The following PIEZO1 variants were observed in gnomAD, a reference collection of about 807,000 sequenced individuals.
PIEZO1 encodes the protein piezo-type mechanosensitive ion channel component 1.
In PIEZO1, 296 loss-of-function variants were observed where a neutral mutation model predicts 297.2. That is an observed-to-expected ratio of 1.00 (90% CI 0.91 to 1.10). The LOEUF (loss-of-function observed/expected upper bound fraction) is 1.10, where lower values mean the gene tolerates loss of function less well. Among genes scored for constraint, PIEZO1 ranks in the 50% least tolerant of loss-of-function variants. PIEZO1 has a pLI of 0.00. For synonymous variants in PIEZO1, 2,427 were observed against 1,507.5 expected (o/e 1.61, Z -14.13); for missense variants, 5,018 against 3,455.5 (o/e 1.45, Z -11.34).
chr16:88,723,921 C>A lies in PIEZO1; in HGVS notation c.4285G>T (p.Glu1429Ter). The change falls in exon 31 of 51, where the codon GAG (glutamate) becomes TAG (stop). Residue 1429 changes from glutamate (E) to a stop codon, truncating the protein, a stop_gained. Transcript: ENST00000301015. LOFTEE classifies it high-confidence loss of function. ...FLFESDSEEE[E>*]EAVPEDPRPS... ...CTCGGGTCTTCAGGAACAGCCTCCT[C>A]CTCTTCCTCACTGTCGGACTCAAAC... 1 of 1,549,890 alleles carries A rather than the reference C, an allele frequency of 6.5e-7. No homozygotes were observed. The highest frequency in any genetic ancestry group is 1.2e-5 in the South Asian group (1 of 84,044).
In PIEZO1 at chr16:88,715,815, G is replaced by A. The variant is rs2142745628; in HGVS notation, c.7356C>T (p.Gly2452=). The change falls in exon 51 of 51, where the codon GGC becomes GGT. Residue 2452 remains glycine, a synonymous_variant. Coordinates refer to ENST00000301015, the MANE Select transcript of PIEZO1 (RefSeq NM_001142864.4). The stretch of plus-strand genomic sequence containing the variant: ...CGCTGAAGAATCCGCGCACGAACTT[G>A]CCGATGACCAGCACGATGGACACGT... ...GLYVSIVLVI[G]KFVRGFFSEI... 1 of 1,550,290 alleles carries A rather than the reference G, an allele frequency of 6.5e-7. No homozygotes were observed. Among genetic ancestry groups the A allele is most frequent in the African/African-American group, 1.4e-5 (1 of 73,180 alleles).
At position 88,719,960 on chromosome 16, in the gene PIEZO1, C is replaced by A; in HGVS notation, c.6165G>T (p.Arg2055Ser). The change falls in exon 43 of 51, where the codon AGG (arginine) becomes AGT (serine). Residue 2055 changes from arginine to serine, a missense_variant and splice_region_variant. Transcript: ENST00000301015. ...GGGCCACCACATTCTGGTTGAACAT[C>A]CTGGGGCGGGATGGCCAGGTCAAGG... is the stretch of plus-strand genomic sequence containing the variant. Reference protein sequence around the residue: ...MFFILPAVTERMFNQNVVAQL... With the variant: ...MFFILPAVTESMFNQNVVAQL... 1 of 1,550,244 alleles carries A rather than the reference C, an allele frequency of 6.5e-7. No individual in the cohort carries two copies. Among genetic ancestry groups the A allele is most frequent in the South Asian group, 1.2e-5 (1 of 84,068 alleles).
Position 88,721,590 on chromosome 16 carries a change from T to A in PIEZO1, c.5351A>T (p.Lys1784Met), listed in dbSNP as rs917439007. 1 of 1,550,140 alleles carries A rather than the reference T, an allele frequency of 6.5e-7. No homozygotes were observed. The highest frequency in any genetic ancestry group is 1.4e-5 in the African/African-American group (1 of 73,036). ...LGLEKTDGYI[K>M]YDLVQLMALF... ...GGCCATGAGCTGCACCAGGTCGTAC[T>A]TGATGTAGCCGTCAGTCTTCTCCAG... is the stretch of plus-strand genomic sequence containing the variant. Residue 1784 changes from lysine (K) to methionine (M), a missense_variant, in exon 38 of 51, where the codon AAG (lysine) becomes ATG (methionine). Coordinates refer to ENST00000301015, the MANE Select transcript of PIEZO1 (RefSeq NM_001142864.4).
chr16:88,733,740 C>G lies in PIEZO1; in HGVS notation c.2335G>C (p.Ala779Pro). Reference protein sequence around the residue: ...HQATQVPEGAAKWGLVAERLL... With the variant: ...HQATQVPEGAPKWGLVAERLL... ...CGCTCAGCCACCAGGCCCCACTTGG[C>G]TGCCCCTGTGATGGTGTGAGGGTCA... The change falls in exon 18 of 51, where the codon GCC (alanine) becomes CCC (proline). Residue 779 changes from alanine (A) to proline (P), a missense_variant. Ala to Pro is a conservative substitution (Grantham distance 27, BLOSUM62 -1). Coordinates refer to ENST00000301015, the MANE Select transcript of PIEZO1 (RefSeq NM_001142864.4). The G allele has an allele frequency of 6.5e-7, 1 of 1,543,112 alleles. No individual in the cohort carries two copies. Among genetic ancestry groups the G allele is most frequent in the Non-Finnish European group, 8.7e-7 (1 of 1,143,084 alleles).
rs910609299 is a variant in PIEZO1 at position 88,716,750 on chromosome 16, C to T, written c.6754-19G>A. The T allele has an allele frequency of 1.3e-6, 2 of 1,548,540 alleles. No individual in the cohort carries two copies. Among genetic ancestry groups the T allele is most frequent in the South Asian group, 2.4e-5 (2 of 84,052 alleles). The stretch of plus-strand genomic sequence containing the variant: ...TGGCCAGCTGGGTACAAGTGACACC[C>T]TCAGTGACTGCAGCCGCCTCCCCAC... On this transcript the variant is annotated intron_variant, in intron 46 of 50. Transcript: ENST00000301015.
rs752838270 is a variant in PIEZO1 at position 88,722,669 on chromosome 16, G to C, written c.4689C>G (p.Gly1563=). The part of the protein sequence containing the change: ...ELLQGGEVHR[G]VLDQLYTSQA... ...GGCTTGTGTACAGCTGATCCAGCAC[G>C]CCCCTGTGCACTTCGCCGCCCTGCA... Residue 1563 remains glycine (G), a synonymous_variant, in exon 35 of 51, where the codon GGC becomes GGG. Transcript: ENST00000301015. 3.3e-5 allele frequency: 50 copies of C among 1,537,764 alleles called. No homozygotes were observed. The highest frequency in any genetic ancestry group is 4.2e-5 in the Non-Finnish European group (48 of 1,146,386).
At chr16:88,755,076 G>C (rs116169507) in intron 1 of PIEZO1, among the ~76,000 whole-genome samples, 27 of 152,298 alleles carry the variant, frequency 1.8e-4, no homozygotes, top group African/African-American at 6.3e-4. Flanking sequence ...CGTCACCGCC[G>C]CCCCCAGTGC....
At chr16:88,769,025 C>T (rs1907303356) in intron 1 of PIEZO1, among the ~76,000 whole-genome samples, 1 of 152,252 alleles carries the variant, frequency 6.6e-6, no homozygotes. Context: ...GACACAGCAG[C>T]ACCCGCGCCC....
chr16:88,720,791 G>A, intron 39 of PIEZO1, 43 bp from the exon 40 acceptor site: 2 of 1,452,004 alleles, frequency 1.4e-6, no homozygotes, highest in Non-Finnish European at 1.8e-6. Context: ...CCTGGGGACT[G>A]GGCCTGGCTC....
chr16:88,758,491 G>GT (rs1906778020), intron 1 of PIEZO1, among the ~76,000 whole-genome samples: 1 of 152,192 alleles, frequency 6.6e-6, no homozygotes, highest in Non-Finnish European at 1.5e-5. Flanking sequence ...CAGCTCATGC[G>GT]TAACTGCTTC....
At chr16:88,756,439 C>G (rs1288383313) in intron 1 of PIEZO1, among the ~76,000 whole-genome samples, 11 of 152,210 alleles carry the variant, frequency 7.2e-5, no homozygotes, top group Admixed American at 5.2e-4. Context: ...AGGAACCACA[C>G]CCACCTGAGT....
intron 10 of PIEZO1, 62 bp from the exon 11 acceptor site, chr16:88,736,801 A>G (rs1006764562): frequency 3.7e-5 from 40 of 1,068,184 alleles, no homozygotes; most frequent in Non-Finnish European, 5.2e-5. Context: ...CACCCTGACT[A>G]TGCCCTAAAA....
chr16:88,738,446 G>A lies in PIEZO1; in HGVS notation c.635-6C>T. The A allele has an allele frequency of 6.5e-7, 1 of 1,534,988 alleles. No individual in the cohort carries two copies. Among genetic ancestry groups the A allele is most frequent in the Non-Finnish European group, 8.7e-7 (1 of 1,146,126 alleles). ...GGCCGAGGGGTGGGCGATGCCTGCG[G>A]GGCAGGGGCACACAGGGTGGTACCT... On this transcript the variant is annotated splice_polypyrimidine_tract_variant and splice_region_variant and intron_variant, in intron 6 of 50. Coordinates refer to ENST00000301015, the MANE Select transcript of PIEZO1 (RefSeq NM_001142864.4).
intron 1 of PIEZO1, among the ~76,000 whole-genome samples, chr16:88,753,426 C>T (rs1398048458): frequency 2.0e-5 from 3 of 151,642 alleles, no homozygotes; most frequent in Non-Finnish European, 2.9e-5. Flanking sequence ...AGCCTTGCCA[C>T]AGACACCAAG....
chr16:88,742,168 G>A lies in PIEZO1; in HGVS notation c.284-73C>T, dbSNP rs143956962. Reference sequence around the variant, plus strand: ...ACCGTGGCCTGGTCATCCCTGGAGCGTTTCACCTGGACCATCCAGGCCAGA... The same window carrying A: ...ACCGTGGCCTGGTCATCCCTGGAGCATTTCACCTGGACCATCCAGGCCAGA... On this transcript the variant is annotated intron_variant, in intron 3 of 50. Coordinates refer to ENST00000301015, the MANE Select transcript of PIEZO1 (RefSeq NM_001142864.4). The A allele has an allele frequency of 6.4e-4, 975 of 1,520,456 alleles. 7 individuals carry two copies. In the African/African-American group the frequency reaches 0.012, roughly 18 times the overall value. The allele number at this position is 1,520,456 out of a possible 1,614,324, so 94.2% of individuals were successfully genotyped here.
chr16:88,726,427 G>C lies in PIEZO1; in HGVS notation c.3825C>G (p.Asp1275Glu). The C allele has an allele frequency of 2.6e-6, 4 of 1,550,496 alleles. No homozygotes were observed. The highest frequency in any genetic ancestry group is 3.5e-6 in the Non-Finnish European group (4 of 1,146,922). ...DPKEMMDRDQ[D>E]CLLPVEEAGI... ...CAGCCTCCTCCACAGGCAGCAGGCAGTCCTGGTCTCTGTCCATCATCTCCT... is the reference window on the plus strand; with the variant it reads ...CAGCCTCCTCCACAGGCAGCAGGCACTCCTGGTCTCTGTCCATCATCTCCT... Residue 1275 changes from aspartate to glutamate, a missense_variant, in exon 27 of 51, where the codon GAC becomes GAG. Asp to Glu is a conservative substitution (Grantham distance 45, BLOSUM62 2). Transcript: ENST00000301015.
Position 88,736,462 on chromosome 16 carries a change from C to A in PIEZO1, c.1297-54G>T, listed in dbSNP as rs571274287. Reference sequence around the variant, plus strand: ...CCCAGCGCACCCCACCCAGGCGATGCCCCACACCTGCGCGGCAGAGGGGGC... The same window carrying A: ...CCCAGCGCACCCCACCCAGGCGATGACCCACACCTGCGCGGCAGAGGGGGC... On this transcript the variant is annotated intron_variant, in intron 11 of 50. Transcript: ENST00000301015. 105 of 1,323,800 alleles carry A rather than the reference C, an allele frequency of 7.9e-5. No homozygotes were observed. In the East Asian group the frequency reaches 1.6e-3, roughly 21 times the overall value. The allele number at this position is 1,323,800 out of a possible 1,614,324, so 82.0% of individuals were successfully genotyped here. A position where few individuals can be genotyped will look rare whatever the true frequency, so the allele number is the denominator to read the frequency against.
chr16:88,717,829 C>G (rs1177472258), intron 44 of PIEZO1: 3 of 442,128 alleles, frequency 6.8e-6, no homozygotes, highest in South Asian at 3.3e-5. Context: ...ACAGAAAAAA[C>G]TCTAATAAAA....
At chr16:88,734,103 C>T (rs1905054294) in intron 16 of PIEZO1, 49 bp from the exon 17 acceptor site, 3 of 1,470,260 alleles carry the variant, frequency 2.0e-6, no homozygotes, top group African/African-American at 1.4e-5. Context: ...TCCTGCCCCT[C>T]ATTTCCTGGG....
Sources: allele counts gnomAD v4.1 joint callset (sites outside exome capture counted in the v4.1 genomes callset), GRCh38; gene constraint gnomAD v4.1.1; transcripts MANE v1.5; gene names NCBI Gene and HGNC (gene_info 2026-07-23, HGNC 2026-07-21).